ACSL5: variants seen among roughly 807,000 people sequenced by gnomAD.
The protein encoded by ACSL5 is long-chain-fatty-acid--CoA ligase 5.
In ACSL5, 50 loss-of-function variants were observed where a neutral mutation model predicts 84.9. The ratio of observed to expected loss-of-function variants is 0.59; its 90% confidence interval spans 0.47 to 0.75. The LOEUF is 0.75. Ranked by LOEUF, ACSL5 falls within the 30% of genes least tolerant of loss-of-function variation. The pLI is 0.00. For missense variants in ACSL5, 775 were observed against 830.4 expected, an observed-to-expected ratio of 0.93 and a Z score of 0.82; for synonymous variants, 280 against 300.7, an observed-to-expected ratio of 0.93 and a Z score of 0.71.
Position 112,410,615 on chromosome 10 carries a change from G to T in ACSL5, c.776G>T (p.Cys259Phe). 1 of 1,613,846 alleles carries T rather than the reference G, an allele frequency of 6.2e-7. No individual in the cohort carries two copies. The highest frequency in any genetic ancestry group is 8.5e-7 in the Non-Finnish European group (1 of 1,179,976). ...AGCCCAGAAGACCTGAGCGTCATCT[G>T]CTTCACCAGTGGGACCACAGGTCTG... ...PPSPEDLSVICFTSGTTGDPK... is the reference protein window; with the variant it reads ...PPSPEDLSVIFFTSGTTGDPK... Residue 259 changes from cysteine to phenylalanine, a missense_variant, in exon 9 of 21, where the codon TGC (cysteine) becomes TTC (phenylalanine). Cys to Phe is a radical substitution (Grantham distance 205, BLOSUM62 -2). Coordinates refer to ENST00000354655, the MANE Select transcript of ACSL5 (RefSeq NM_203379.2).
chr10:112,374,856 T>G (rs1235833099), intron 1 of ACSL5, among the ~76,000 whole-genome samples: 1 of 152,128 alleles, frequency 6.6e-6, no homozygotes, highest in Non-Finnish European at 1.5e-5. Context: ...GGCTAGAATT[T>G]GAGACTTGAT....
At chr10:112,422,210 T>C in intron 16 of ACSL5, 115 bp from the exon 17 acceptor site, 4 of 1,096,988 alleles carry the variant, frequency 3.6e-6, no homozygotes, top group Non-Finnish European at 5.4e-6. Flanking sequence ...CTGGTGCTCT[T>C]CACAGTGTAG....
intron 20 of ACSL5, 140 bp downstream of exon 20, chr10:112,426,999 AGTT>A: frequency 1.1e-6 from 1 of 887,524 alleles, no homozygotes; most frequent in Non-Finnish European, 1.8e-6. Context: ...GACCTTTTGT[AGTT>A]ACTTGTACAG....
At position 112,428,234 on chromosome 10, in the gene ACSL5, C is replaced by T. The variant is rs1157704864; in HGVS notation, c.*876C>T. The T allele has an allele frequency of 2.6e-6, 1 of 380,984 alleles. No homozygotes were observed. Among genetic ancestry groups the T allele is most frequent in the African/African-American group, 2.1e-5 (1 of 48,220 alleles). 23.6% of individuals were successfully genotyped at this position (380,984 alleles called of 1,614,324 possible). The stretch of plus-strand genomic sequence containing the variant: ...AAGATCTACAGGCAAGCAAGATGCC[C>T]ACACAACAGGCTTATTTTCTGTGAA... On this transcript the variant is annotated 3_prime_UTR_variant, in exon 21 of 21. Coordinates refer to ENST00000354655, the MANE Select transcript of ACSL5 (RefSeq NM_203379.2).
chr10:112,400,065 C>A (rs1298171992), intron 3 of ACSL5, among the ~76,000 whole-genome samples: 3 of 152,140 alleles, frequency 2.0e-5, no homozygotes, highest in Non-Finnish European at 4.4e-5. Context: ...TCCGATGGGG[C>A]CTGTACTTAG....
chr10:112,411,271 A>C, intron 9 of ACSL5, 185 bp from the exon 10 acceptor site: 1 of 593,290 alleles, frequency 1.7e-6, no homozygotes, highest in Non-Finnish European at 3.0e-6. Context: ...TGCATTCAGC[A>C]GTAGAATCTC....
chr10:112,401,816 CTT>C (rs1176906141), intron 3 of ACSL5, among the ~76,000 whole-genome samples: 1 of 103,728 alleles, frequency 9.6e-6, no homozygotes, highest in Non-Finnish European at 2.1e-5. Context: ...TTCTTTCTTT[CTT>C]TCTTTCTTTC....
intron 17 of ACSL5, among the ~76,000 whole-genome samples, chr10:112,422,703 A>G (rs1406353298): frequency 1.3e-5 from 2 of 151,948 alleles, no homozygotes; most frequent in Admixed American, 6.6e-5. Flanking sequence ...TAAAAATACA[A>G]AAATTAGCTG....
intron 1 of ACSL5, among the ~76,000 whole-genome samples, chr10:112,376,644 G>A (rs1202724787): frequency 1.3e-5 from 2 of 152,050 alleles, no homozygotes; most frequent in African/African-American, 4.8e-5. Flanking sequence ...GAGGAGCAAC[G>A]GGAAGGAAGG....
At chr10:112,421,181 C>T (rs185412480) in intron 14 of ACSL5, among the ~76,000 whole-genome samples, 17 of 150,890 alleles carry the variant, frequency 1.1e-4, no homozygotes, top group Non-Finnish European at 1.9e-4. Context: ...TTTTTTGAGA[C>T]GGAGTCTCGC....
intron 16 of ACSL5, 58 bp downstream of exon 16, chr10:112,422,093 G>A: frequency 3.2e-6 from 5 of 1,573,390 alleles, no homozygotes; most frequent in Non-Finnish European, 3.5e-6. Context: ...ATATCAGAAA[G>A]AGCAAATAAT....
intron 3 of ACSL5, among the ~76,000 whole-genome samples, chr10:112,402,673 C>A (rs1294595951): frequency 6.6e-6 from 1 of 152,168 alleles, no homozygotes; most frequent in Non-Finnish European, 1.5e-5. Context: ...CTCTTCCCTG[C>A]TTTCCTTCCT....
chr10:112,413,354 G>A (rs747385960), intron 12 of ACSL5, 47 bp downstream of exon 12: 40 of 1,606,326 alleles, frequency 2.5e-5, no homozygotes, highest in Non-Finnish European at 3.4e-5. Flanking sequence ...GGGCCTGCAC[G>A]AAGGAACTCT....
intron 10 of ACSL5, 87 bp from the exon 11 acceptor site, chr10:112,411,814 TG>T: frequency 2.4e-6 from 3 of 1,264,568 alleles, no homozygotes; most frequent in Non-Finnish European, 3.5e-6. Flanking sequence ...GTGGTAGTCC[TG>T]GGAGGAGGTA....
chr10:112,414,427 C>T (rs1446596743), intron 12 of ACSL5, among the ~76,000 whole-genome samples: 1 of 145,684 alleles, frequency 6.9e-6, no homozygotes, highest in Non-Finnish European at 1.5e-5. Flanking sequence ...ACGATCTCAG[C>T]TCACTGCAAC....
chr10:112,413,099 G>A (rs1442432906), intron 11 of ACSL5, 74 bp from the exon 12 acceptor site: 2 of 1,545,266 alleles, frequency 1.3e-6, no homozygotes, highest in East Asian at 4.6e-5. Flanking sequence ...CCCACCTCCT[G>A]AATTCCTTCC....
chr10:112,403,856 T>A (rs1367098040), intron 3 of ACSL5, among the ~76,000 whole-genome samples: 1 of 152,134 alleles, frequency 6.6e-6, no homozygotes, highest in Admixed American at 6.5e-5. Flanking sequence ...ATACCCACGA[T>A]GAAATAAAGT....
At position 112,422,013 on chromosome 10, in the gene ACSL5, T is replaced by A. The variant is rs1399235582; in HGVS notation, c.1454T>A (p.Phe485Tyr). The A allele has an allele frequency of 1.2e-6, 2 of 1,614,050 alleles. No individual in the cohort carries two copies. Among genetic ancestry groups the A allele is most frequent in the Non-Finnish European group, 1.7e-6 (2 of 1,180,048 alleles). The change falls in exon 16 of 21, where the codon TTT (phenylalanine) becomes TAT (tyrosine). Residue 485 changes from phenylalanine (F) to tyrosine (Y), a missense_variant. Physicochemically the swap from Phe to Tyr is conservative, Grantham distance 22. Coordinates refer to ENST00000354655, the MANE Select transcript of ACSL5 (RefSeq NM_203379.2). Reference protein sequence around the residue: ...KLEDVADMNYFTVNNEGEVCI... With the variant: ...KLEDVADMNYYTVNNEGEVCI... ...GAAGATGTGGCTGACATGAACTACT[T>A]TACAGTGAATAATGAAGGAGAGGTG...
intron 9 of ACSL5, chr10:112,411,246 G>A: frequency 1.7e-6 from 1 of 574,750 alleles, no homozygotes; most frequent in Non-Finnish European, 3.1e-6. Flanking sequence ...CTGCATAGTA[G>A]TAGAAGGCCA....
Sources: gnomAD v4.1 joint callset for allele counts (sites outside exome capture counted in the v4.1 genomes callset) on GRCh38, gnomAD v4.1.1 for gene constraint, MANE v1.5 for transcripts, NCBI Gene and HGNC (gene_info 2026-07-23, HGNC 2026-07-21) for gene names.